CD101: variants seen among roughly 807,000 people sequenced by gnomAD.
The protein encoded by CD101 is immunoglobulin superfamily member 2.
Under a neutral mutation model 98.2 loss-of-function variants are expected in CD101, and 76 were observed. The ratio of observed to expected loss-of-function variants is 0.77; its 90% CI spans 0.64 to 0.94. CD101 has a LOEUF of 0.94. CD101 is among the 40% of genes least tolerant of loss of function. CD101 has a pLI of 0.00. For missense variants in CD101, 1,145 were observed against 1,218.8 expected (o/e 0.94, Z 0.90); for synonymous variants, 471 against 472.7 (o/e 1.00, Z 0.05).
At chr1:117,035,411 A>C (rs756499126) in intron 9 of CD101, among the ~76,000 whole-genome samples, 1 of 152,208 alleles carries the variant, frequency 6.6e-6, no homozygotes, top group Non-Finnish European at 1.5e-5. Context: ...CTATGGACCT[A>C]CCAGTTCCTT....
rs770392713 is a variant in CD101 at position 117,017,072 on chromosome 1, A to G, written c.1229-18A>G. On this transcript the variant is annotated intron_variant, in intron 4 of 9. Transcript: ENST00000682167. Reference sequence around the variant, plus strand: ...TTACCTAAAACAGTTTTGTTCTTCTATAATCTGTAACTCACAGCAAGAAGT... The same window carrying G: ...TTACCTAAAACAGTTTTGTTCTTCTGTAATCTGTAACTCACAGCAAGAAGT... 1.0e-5 allele frequency: 16 copies of G among 1,605,200 alleles called. No individual in the cohort carries two copies. In the East Asian group the frequency reaches 1.1e-4, roughly 11 times the overall value.
rs1053045019 is a variant in CD101, at chr1:117,009,894, C to T, written c.88C>T (p.Pro30Ser). 1.2e-6 allele frequency: 2 copies of T among 1,613,232 alleles called. No individual in the cohort carries two copies. Among genetic ancestry groups the T allele is most frequent in the Non-Finnish European group, 1.7e-6 (2 of 1,179,536 alleles). The change falls in exon 2 of 10, where the codon CCA (proline) becomes TCA (serine). Residue 30 changes from proline (P) to serine (S), a missense_variant. Physicochemically the swap from Pro to Ser is moderately conservative, Grantham distance 74 (BLOSUM62 -1). Coordinates refer to ENST00000682167, the MANE Select transcript of CD101 (RefSeq NM_001256106.3). The stretch of plus-strand genomic sequence containing the variant: ...GAGAGAAGTAACAGTTCAGAAAGGA[C>T]CACTGTTTAGAGCTGAAGGTTACCC... The part of the protein sequence containing the change: ...GQREVTVQKG[P>S]LFRAEGYPVS...
At position 117,021,839 on chromosome 1, in the gene CD101, C is replaced by T. The variant is rs149868866; in HGVS notation, c.2284C>T (p.Gln762Ter). Reference protein sequence around the residue: ...HTEKVSQDLFQLHILNVEDSD... With the variant: ...HTEKVSQDLF ...TGAGAAGGTTTCCCAAGACTTATTTCAGCTGCACATTCTGAATGTGGAAGA... is the reference window on the plus strand; with the variant it reads ...TGAGAAGGTTTCCCAAGACTTATTTTAGCTGCACATTCTGAATGTGGAAGA... Residue 762 changes from glutamine (Q) to a stop codon, truncating the protein, a stop_gained, in exon 7 of 10, where the codon CAG becomes TAG. Coordinates refer to ENST00000682167, the MANE Select transcript of CD101 (RefSeq NM_001256106.3). LOFTEE classifies it high-confidence loss of function. The surrounding 1 kb of genome is among the most constrained non-coding windows in gnomAD (Gnocchi z 4.7). 5.6e-6 allele frequency: 9 copies of T among 1,614,042 alleles called. No individual in the cohort carries two copies. Among genetic ancestry groups the T allele is most frequent in the Non-Finnish European group, 7.6e-6 (9 of 1,180,044 alleles).
At position 117,033,943 on chromosome 1, in the gene CD101, C is replaced by G; in HGVS notation, c.2908C>G (p.Leu970Val). ...FICPFVLLLLLLISLLCLYWK... is the reference protein window; with the variant it reads ...FICPFVLLLLVLISLLCLYWK... ...CTGTCCCTTCGTCCTGCTCCTCCTT[C>G]TGCTCATCTCCCTCCTCTGCTTATA... The change falls in exon 9 of 10, where the codon CTG (leucine) becomes GTG (valine). Residue 970 changes from leucine to valine, a missense_variant. Transcript: ENST00000682167. This position sits in a 1 kb window ranked among gnomAD's most constrained non-coding sequence, Gnocchi z 4.8. The G allele has an allele frequency of 1.9e-6, 3 of 1,614,212 alleles. No individual in the cohort carries two copies. The South Asian group carries it at 3.3e-5, about 18-fold the overall frequency.
At position 117,025,671 on chromosome 1, in the gene CD101, A is replaced by G. The variant is rs1313250823; in HGVS notation, c.2591A>G (p.His864Arg). ...AACTCTGGAAGTAAATTGCTGGTGCACTTGCAACATGATGGCTTGCTGGAG... is the reference window on the plus strand; with the variant it reads ...AACTCTGGAAGTAAATTGCTGGTGCGCTTGCAACATGATGGCTTGCTGGAG... Reference protein sequence around the residue: ...RENSGSKLLVHLQHDGLLEYG... With the variant: ...RENSGSKLLVRLQHDGLLEYG... The change falls in exon 8 of 10, where the codon CAC (histidine) becomes CGC (arginine). Residue 864 changes from histidine to arginine, a missense_variant. Coordinates refer to ENST00000682167, the MANE Select transcript of CD101 (RefSeq NM_001256106.3). The G allele has an allele frequency of 2.5e-6, 4 of 1,614,090 alleles. No individual in the cohort carries two copies. The highest frequency in any genetic ancestry group is 3.4e-6 in the Non-Finnish European group (4 of 1,180,050).
In CD101 at chr1:117,018,119, A is replaced by G; in HGVS notation, c.1613-37A>G. 6.6e-7 allele frequency: 1 copy of G among 1,514,690 alleles called. No individual in the cohort carries two copies. The highest frequency in any genetic ancestry group is 8.9e-7 in the Non-Finnish European group (1 of 1,126,718). The allele number at this position is 1,514,690 out of a possible 1,614,324, so 93.8% of individuals were successfully genotyped here. A position where few individuals can be genotyped will look rare whatever the true frequency, so the allele number is the denominator to read the frequency against. Reference sequence around the variant, plus strand: ...TGAAAGTGCTATATTTTAATCTGGTAAATATATTAGAAATTCTGTTTCATT... The same window carrying G: ...TGAAAGTGCTATATTTTAATCTGGTGAATATATTAGAAATTCTGTTTCATT... On this transcript the variant is annotated intron_variant, in intron 5 of 9. Transcript: ENST00000682167. This position sits in a 1 kb window ranked among gnomAD's most constrained non-coding sequence, Gnocchi z 4.3.
chr1:117,029,811 T>C lies in CD101; in HGVS notation c.2824+3907T>C, dbSNP rs115272961. ...GTTTTAGGGCCACACAATAGGACTG[T>C]AGAGCATGTGGCTCAAGTGAAGGCA... On this transcript the variant is annotated intron_variant, in intron 8 of 9. Coordinates refer to ENST00000682167, the MANE Select transcript of CD101 (RefSeq NM_001256106.3). 4.0e-3 allele frequency among the ~76,000 whole-genome samples: 611 copies of C among 152,352 alleles called. 5 individuals are homozygous for C. The highest frequency in any genetic ancestry group is 0.014 in the African/African-American group (568 of 41,590).
rs890935313 is a variant in CD101, at chr1:117,005,898, A to G, written c.44-3952A>G. On this transcript the variant is annotated intron_variant, in intron 1 of 9. Transcript: ENST00000682167. This position sits in a 1 kb window ranked among gnomAD's most constrained non-coding sequence, Gnocchi z 4.4. Reference sequence around the variant, plus strand: ...GGTTTTTGAAAGGATTCGATTACAAATATTTTCAAAGGGTTAAAGTCTATT... The same window carrying G: ...GGTTTTTGAAAGGATTCGATTACAAGTATTTTCAAAGGGTTAAAGTCTATT... Among the ~76,000 whole-genome samples, 2 of 152,066 alleles carry G rather than the reference A, an allele frequency of 1.3e-5. No homozygotes were observed. Among genetic ancestry groups the G allele is most frequent in the African/African-American group, 4.8e-5 (2 of 41,400 alleles).
chr1:117,002,559 A>G (rs1314561303), intron 1 of CD101, among the ~76,000 whole-genome samples: 1 of 152,248 alleles, frequency 6.6e-6, no homozygotes, highest in East Asian at 1.9e-4. Flanking sequence ...GGTACTTTTT[A>G]TGCTACAGTT....
In CD101 at chr1:117,017,191, T is replaced by C; in HGVS notation, c.1330T>C (p.Ser444Pro). 1 of 1,614,250 alleles carries C rather than the reference T, an allele frequency of 6.2e-7. No homozygotes were observed. Among genetic ancestry groups the C allele is most frequent in the Non-Finnish European group, 8.5e-7 (1 of 1,180,042 alleles). Residue 444 changes from serine to proline, a missense_variant, in exon 5 of 10, where the codon TCT (serine) becomes CCT (proline). Physicochemically the swap from Ser to Pro is moderately conservative, Grantham distance 74. Transcript: ENST00000682167. ...CKAGGAESPL[S>P]VSWWHIPRDQ... ...GGCTGGTGGAGCTGAAAGTCCCCTGTCTGTGAGCTGGTGGCACATCCCACG... is the reference window on the plus strand; with the variant it reads ...GGCTGGTGGAGCTGAAAGTCCCCTGCCTGTGAGCTGGTGGCACATCCCACG...
chr1:117,034,077 CGAG>C lies in CD101; in HGVS notation c.3048_3050del (p.Glu1017del). On this transcript the variant is annotated inframe_deletion, in exon 9 of 10. Transcript: ENST00000682167. ...GTGTGACCACAAATAGGAGGGAAGA[CGAG>C]GAGGAAGATGAAGGCAACTGAATCC... The C allele has an allele frequency of 6.2e-7, 1 of 1,614,070 alleles. No individual in the cohort carries two copies.
chr1:117,028,068 A>G (rs1654075043), intron 8 of CD101, among the ~76,000 whole-genome samples: 1 of 151,656 alleles, frequency 6.6e-6, no homozygotes, highest in Non-Finnish European at 1.5e-5. Context: ...CTGGGCAACA[A>G]GAGCAAAACT....
At chr1:117,025,982 A>G in intron 8 of CD101, 78 bp downstream of exon 8, 1 of 1,447,054 alleles carries the variant, frequency 6.9e-7, no homozygotes, top group Non-Finnish European at 9.3e-7. Flanking sequence ...CCTCTCACCT[A>G]TCTTTTGCTC....
chr1:117,035,884 C>T (rs1654790302), intron 9 of CD101, among the ~76,000 whole-genome samples: 3 of 152,068 alleles, frequency 2.0e-5, no homozygotes, highest in African/African-American at 7.2e-5. Context: ...GACCCCCTGC[C>T]CCTATTTTTT....
In CD101 at chr1:117,011,992, T is replaced by A. The variant is rs756593219; in HGVS notation, c.841+26T>A. On this transcript the variant is annotated intron_variant, in intron 3 of 9. Transcript: ENST00000682167. ...GTAATTATCTTCCTACGAAATTCAT[T>A]AATACACTAGTATTAGGTAGTGGGT... is the stretch of plus-strand genomic sequence containing the variant. The A allele has an allele frequency of 6.9e-6, 11 of 1,588,032 alleles. No individual in the cohort carries two copies. In the East Asian group the frequency reaches 2.5e-4, roughly 36 times the overall value.
rs764520228 is a variant in CD101, at chr1:117,022,027, G to A, written c.2428+44G>A. The A allele has an allele frequency of 5.8e-6, 9 of 1,549,122 alleles. No homozygotes were observed. Among genetic ancestry groups the A allele is most frequent in the Non-Finnish European group, 7.8e-6 (9 of 1,150,822 alleles). ...TCCTCACAATGTCTGTCTGTCTGAC[G>A]GCTGTTTTCTCTTGGGCAGCTGTTC... On this transcript the variant is annotated intron_variant, in intron 7 of 9. Coordinates refer to ENST00000682167, the MANE Select transcript of CD101 (RefSeq NM_001256106.3). This position sits in a 1 kb window ranked among gnomAD's most constrained non-coding sequence, Gnocchi z 4.8.
rs908132039 is a variant in CD101, at chr1:117,004,968, T to A, written c.43+3108T>A. Among the ~76,000 whole-genome samples the A allele has an allele frequency of 6.6e-6, 1 of 152,064 alleles. No individual in the cohort carries two copies. The highest frequency in any genetic ancestry group is 2.4e-5 in the African/African-American group (1 of 41,396). ...GCAGTTTGGTGTCAGTGAGGGCCTG[T>A]TCCTCATAGCACCTTCTAACTGTGT... On this transcript the variant is annotated intron_variant, in intron 1 of 9. Transcript: ENST00000682167. This position sits in a 1 kb window ranked among gnomAD's most constrained non-coding sequence, Gnocchi z 4.1.
At chr1:117,024,369 C>G (rs575677857) in intron 7 of CD101, among the ~76,000 whole-genome samples, 3 of 152,056 alleles carry the variant, frequency 2.0e-5, no homozygotes, top group African/African-American at 7.2e-5. Context: ...CCCAACTGCT[C>G]GGGAGGCTGA....
At chr1:117,024,332 C>A (rs1252204752) in intron 7 of CD101, among the ~76,000 whole-genome samples, 2 of 152,094 alleles carry the variant, frequency 1.3e-5, no homozygotes, top group African/African-American at 2.4e-5. Flanking sequence ...AAAAAGTTAG[C>A]CAGGCATGGT....
Sources: allele counts gnomAD v4.1 joint callset (sites outside exome capture counted in the v4.1 genomes callset), GRCh38; gene constraint gnomAD v4.1.1; non-coding constraint Gnocchi (gnomAD v3.1); transcripts MANE v1.5; gene names NCBI Gene and HGNC (gene_info 2026-07-23, HGNC 2026-07-21).